The following NRG3 variants were observed in gnomAD, a reference collection of about 807,000 sequenced individuals.
NRG3 encodes pro-neuregulin-3, membrane-bound isoform.
Under a neutral mutation model 66.9 loss-of-function variants are expected in NRG3, and 31 were observed. That is an observed-to-expected ratio of 0.46 (90% confidence interval 0.35 to 0.63). The LOEUF (loss-of-function observed/expected upper bound fraction) is 0.63. Among genes scored for constraint, NRG3 ranks in the 20% least tolerant of loss-of-function variants. The pLI is 0.00. For missense variants in NRG3, 910 were observed against 878.9 expected (o/e 1.04, Z -0.45); for synonymous variants, 393 against 359.4 (o/e 1.09, Z -1.06).
chr10:82,009,520 G>A (rs1191545850), intron 1 of NRG3, among the ~76,000 whole-genome samples: 2 of 152,238 alleles, frequency 1.3e-5, no homozygotes, highest in South Asian at 2.1e-4. Context: ...GTCCTTACAC[G>A]ACTTCCCCTG....
intron 1 of NRG3, among the ~76,000 whole-genome samples, chr10:82,264,033 C>T (rs1163787998): frequency 6.6e-6 from 1 of 151,862 alleles, no homozygotes; most frequent in Non-Finnish European, 1.5e-5. Flanking sequence ...AAATCATCTC[C>T]CCAGATGTGA....
intron 1 of NRG3, among the ~76,000 whole-genome samples, chr10:81,991,178 A>G (rs1304645443): frequency 6.6e-6 from 1 of 152,132 alleles, no homozygotes; most frequent in African/African-American, 2.4e-5. Context: ...TTCAGTGTTA[A>G]TTATTGTCTT....
intron 4 of NRG3, among the ~76,000 whole-genome samples, chr10:82,904,529 C>G (rs771081016): frequency 4.8e-4 from 73 of 152,090 alleles, no homozygotes; most frequent in Admixed American, 9.2e-4. Flanking sequence ...CTAGAGGTAG[C>G]TAAGTATGGT....
chr10:81,877,013 T>C (rs1454790080), intron 1 of NRG3, among the ~76,000 whole-genome samples: 1 of 152,118 alleles, frequency 6.6e-6, no homozygotes, highest in Non-Finnish European at 1.5e-5. Flanking sequence ...CCTCTGTGCC[T>C]GAAAAATATA....
Position 82,973,909 on chromosome 10 carries a change from A to G in NRG3, c.1406A>G (p.His469Arg), listed in dbSNP as rs771020969. The G allele has an allele frequency of 6.2e-7, 1 of 1,613,776 alleles. No individual in the cohort carries two copies. Among genetic ancestry groups the G allele is most frequent in the African/African-American group, 1.3e-5 (1 of 74,898 alleles). ...GACAGAGGAAGCCAGTCTGTCAAAC[A>G]CCACAGGTACAAGTAGCTCATCATG... ...SPDRGSQSVK[H>R]HRSLSSCCSP... Residue 469 changes from histidine to arginine, a missense_variant, in exon 7 of 9, where the codon CAC (histidine) becomes CGC (arginine). Physicochemically the swap from His to Arg is conservative, Grantham distance 29 (BLOSUM62 0). Transcript: ENST00000372141.
chr10:82,514,848 A>T (rs1477690908), intron 2 of NRG3, among the ~76,000 whole-genome samples: 1 of 152,158 alleles, frequency 6.6e-6, no homozygotes, highest in Non-Finnish European at 1.5e-5. Context: ...AATTGTTGAT[A>T]TATTCTAGTG....
At chr10:82,212,110 T>C (rs2075424776) in intron 1 of NRG3, among the ~76,000 whole-genome samples, 1 of 152,144 alleles carries the variant, frequency 6.6e-6, no homozygotes, top group East Asian at 1.9e-4. Flanking sequence ...TTTCCTCATA[T>C]GTAAAATGAT....
chr10:82,640,769 A>G (rs1037149971), intron 2 of NRG3, among the ~76,000 whole-genome samples: 4 of 152,180 alleles, frequency 2.6e-5, no homozygotes, highest in Non-Finnish European at 4.4e-5. Context: ...TATTATGTTA[A>G]TTCATTAAGC....
chr10:82,125,448 A>G (rs560474700), intron 1 of NRG3, among the ~76,000 whole-genome samples: 2 of 152,174 alleles, frequency 1.3e-5, no homozygotes, highest in East Asian at 1.9e-4. Context: ...ATCAACATAA[A>G]TCATGGCTGT....
At chr10:82,364,512 AT>A (rs758850117) in intron 2 of NRG3, among the ~76,000 whole-genome samples, 10 of 152,208 alleles carry the variant, frequency 6.6e-5, no homozygotes, top group Non-Finnish European at 1.3e-4. Flanking sequence ...AATTTTAAAA[AT>A]GTTGGCAATG....
chr10:82,500,848 G>A (rs906142736), intron 2 of NRG3, among the ~76,000 whole-genome samples: 2 of 151,988 alleles, frequency 1.3e-5, no homozygotes, highest in African/African-American at 4.8e-5. Context: ...TCCTAAACTC[G>A]GGTATCAACA....
intron 2 of NRG3, among the ~76,000 whole-genome samples, chr10:82,384,571 C>A (rs955828446): frequency 6.6e-6 from 1 of 152,142 alleles, no homozygotes; most frequent in Non-Finnish European, 1.5e-5. Context: ...AGGGTAATGG[C>A]CTCCAGTTGC....
intron 2 of NRG3, among the ~76,000 whole-genome samples, chr10:82,478,731 ATTAC>A (rs974359501): frequency 1.3e-5 from 2 of 152,156 alleles, no homozygotes; most frequent in Non-Finnish European, 2.9e-5. Flanking sequence ...ACTCTTGAAA[ATTAC>A]TTTGAAGTCT....
chr10:82,570,441 GGGAGA>G (rs2045659902), intron 2 of NRG3, among the ~76,000 whole-genome samples: 1 of 151,578 alleles, frequency 6.6e-6, no homozygotes, highest in Non-Finnish European at 1.5e-5. Flanking sequence ...CCTGATGGTA[GGGAGA>G]GGTGATCTTT....
At chr10:82,625,000 G>T (rs1017655438) in intron 2 of NRG3, among the ~76,000 whole-genome samples, 1 of 150,662 alleles carries the variant, frequency 6.6e-6, no homozygotes, top group Admixed American at 6.6e-5. Flanking sequence ...CTAGACCAGT[G>T]AGCCTAAAGG....
At chr10:82,966,964 T>C (rs1270350374) in intron 6 of NRG3, among the ~76,000 whole-genome samples, 1 of 151,808 alleles carries the variant, frequency 6.6e-6, no homozygotes, top group Non-Finnish European at 1.5e-5. Flanking sequence ...ACTCCTTGCT[T>C]ATGTTGTACA....
chr10:82,335,828 G>C (rs562888234), intron 1 of NRG3, among the ~76,000 whole-genome samples: 1 of 152,196 alleles, frequency 6.6e-6, no homozygotes, highest in South Asian at 2.1e-4. Flanking sequence ...CTAAAGCACT[G>C]AAATAAATAA....
chr10:82,601,992 A>C (rs903432287), intron 2 of NRG3, among the ~76,000 whole-genome samples: 4 of 150,490 alleles, frequency 2.7e-5, no homozygotes, highest in African/African-American at 9.8e-5. Context: ...CAAAGATGGG[A>C]GGGTTGCTCA....
chr10:81,964,327 C>T (rs559743099), intron 1 of NRG3, among the ~76,000 whole-genome samples: 18 of 134,272 alleles, frequency 1.3e-4, no homozygotes, highest in South Asian at 4.6e-4. Context: ...ACCCGGGAGG[C>T]GGAGAATGCA....
Sources: allele counts gnomAD v4.1 joint callset (sites outside exome capture counted in the v4.1 genomes callset), GRCh38; gene constraint gnomAD v4.1.1; transcripts MANE v1.5; gene names NCBI Gene and HGNC (gene_info 2026-07-23, HGNC 2026-07-21).